The following ANKRD17 variants were observed in gnomAD, a reference collection of about 807,000 sequenced individuals.
The protein encoded by ANKRD17 is ankyrin repeat domain 17.
A neutral mutation model predicts 229.7 loss-of-function variants in ANKRD17; 19 were observed. The ratio of observed to expected loss-of-function variants is 0.08; its 90% CI spans 0.06 to 0.12. ANKRD17 has a LOEUF of 0.12. ANKRD17 is among the 10% of genes least tolerant of loss of function. ANKRD17 has a pLI of 1.00. For missense variants in ANKRD17, 2,176 were observed against 3,176.8 expected, an observed-to-expected ratio of 0.68 and a Z score of 7.57; for synonymous variants, 1,112 against 1,146.1, an observed-to-expected ratio of 0.97 and a Z score of 0.60.
In ANKRD17 at chr4:73,142,398, A is replaced by G. The variant is rs950185097; in HGVS notation, c.2086-13T>C. On this transcript the variant is annotated splice_polypyrimidine_tract_variant and intron_variant, in intron 12 of 33. Coordinates refer to ENST00000358602, the MANE Select transcript of ANKRD17 (RefSeq NM_032217.5). ...TAGTTGAGCCATCCTAAAAGAGTGAATATGGAAGGGGAAAAAAAGTGAAGA... is the reference window on the plus strand; with the variant it reads ...TAGTTGAGCCATCCTAAAAGAGTGAGTATGGAAGGGGAAAAAAAGTGAAGA... 2 of 1,584,800 alleles carry G rather than the reference A, an allele frequency of 1.3e-6. No homozygotes were observed. The highest frequency in any genetic ancestry group is 1.7e-6 in the Non-Finnish European group (2 of 1,173,518).
At chr4:73,099,618 C>A (rs1170712779) in intron 25 of ANKRD17, among the ~76,000 whole-genome samples, 1 of 152,232 alleles carries the variant, frequency 6.6e-6, no homozygotes, top group Non-Finnish European at 1.5e-5. Flanking sequence ...GCATGCCCTA[C>A]TCCACTGCCC....
chr4:73,208,032 C>CA (rs1215484831), intron 1 of ANKRD17, among the ~76,000 whole-genome samples: 1 of 151,686 alleles, frequency 6.6e-6, no homozygotes, highest in Non-Finnish European at 1.5e-5. Context: ...ACTAAAAATA[C>CA]AAAAAAATTC....
chr4:73,112,713 A>G, intron 24 of ANKRD17: 4 of 772,786 alleles, frequency 5.2e-6, no homozygotes, highest in Non-Finnish European at 6.3e-6. Flanking sequence ...ACGCATATGC[A>G]TAATTATCAC....
At position 73,156,016 on chromosome 4, in the gene ANKRD17, A is replaced by C. The variant is rs1430379683; in HGVS notation, c.852+3T>G. ...AAATAAGCTTTATTTTGATAATACGAACCTGTGCAAGCTCATAGTATCCAG... is the reference window on the plus strand; with the variant it reads ...AAATAAGCTTTATTTTGATAATACGCACCTGTGCAAGCTCATAGTATCCAG... On this transcript the variant is annotated splice_donor_region_variant and intron_variant, in intron 4 of 33. Coordinates refer to ENST00000358602, the MANE Select transcript of ANKRD17 (RefSeq NM_032217.5). 1 of 1,575,268 alleles carries C rather than the reference A, an allele frequency of 6.3e-7. No individual in the cohort carries two copies. Among genetic ancestry groups the C allele is most frequent in the African/African-American group, 1.4e-5 (1 of 72,494 alleles).
chr4:73,239,748 C>T lies in ANKRD17; in HGVS notation c.393+18528G>A, dbSNP rs146639676. On this transcript the variant is annotated intron_variant, in intron 1 of 33. Coordinates refer to ENST00000358602, the MANE Select transcript of ANKRD17 (RefSeq NM_032217.5). ...GATTTAATAAAAGTGGAAAAAGATA[C>T]TGCAATTTTAAGATTCCTCCAATAT... is the stretch of plus-strand genomic sequence containing the variant. 7.5e-3 allele frequency among the ~76,000 whole-genome samples: 1,147 copies of T among 152,092 alleles called. 15 individuals carry two copies. Among genetic ancestry groups the T allele is most frequent in the Admixed American group, 0.021 (327 of 15,276 alleles).
intron 1 of ANKRD17, among the ~76,000 whole-genome samples, chr4:73,229,628 C>T (rs557030090): frequency 6.7e-6 from 1 of 150,050 alleles, no homozygotes; most frequent in African/African-American, 2.4e-5. Context: ...AACCCAACCA[C>T]AATGCAGAGT....
intron 20 of ANKRD17, among the ~76,000 whole-genome samples, chr4:73,120,555 A>AAT (rs1553917404): frequency 6.7e-6 from 1 of 149,996 alleles, no homozygotes; most frequent in Non-Finnish European, 1.5e-5. Flanking sequence ...AAAAAAAAAA[A>AAT]GAAAGAAAGA....
intron 1 of ANKRD17, among the ~76,000 whole-genome samples, chr4:73,216,492 ACAGC>A (rs1560741409): frequency 2.0e-5 from 3 of 152,176 alleles, no homozygotes; most frequent in Non-Finnish European, 4.4e-5. Context: ...GGCGGGGGTG[ACAGC>A]ATAAGGATAG....
intron 3 of ANKRD17, 101 bp from the exon 4 acceptor site, chr4:73,156,267 A>ACGG (rs1731646121): frequency 1.4e-5 from 19 of 1,393,158 alleles, no homozygotes; most frequent in Non-Finnish European, 1.5e-5. Flanking sequence ...TTGTTTAGAA[A>ACGG]CGGAGTCTTG....
chr4:73,226,074 C>G (rs548805362), intron 1 of ANKRD17, among the ~76,000 whole-genome samples: 8 of 140,246 alleles, frequency 5.7e-5, no homozygotes, highest in Admixed American at 4.5e-4. Context: ...CTCCCAGGTT[C>G]AAGCAATTCT....
At chr4:73,099,498 G>T (rs1003170340) in intron 25 of ANKRD17, among the ~76,000 whole-genome samples, 1 of 152,206 alleles carries the variant, frequency 6.6e-6, no homozygotes, top group Admixed American at 6.5e-5. Flanking sequence ...ACTGCTCTCT[G>T]GTGATGGGGG....
At chr4:73,100,991 A>T in intron 25 of ANKRD17, 1 of 981,318 alleles carries the variant, frequency 1.0e-6, no homozygotes, top group Non-Finnish European at 1.2e-6. Context: ...AACAAATACG[A>T]ATTTAAAAAA....
chr4:73,248,112 A>C (rs760645533), intron 1 of ANKRD17, among the ~76,000 whole-genome samples: 11 of 151,990 alleles, frequency 7.2e-5, no homozygotes, highest in Non-Finnish European at 1.5e-4. Flanking sequence ...CAAGTATATT[A>C]ATATAGATAC....
intron 11 of ANKRD17, 149 bp downstream of exon 11, chr4:73,144,596 A>T: frequency 2.2e-6 from 1 of 446,800 alleles, no homozygotes. Context: ...CAGGATGTTT[A>T]TCAACTATCC....
intron 1 of ANKRD17, among the ~76,000 whole-genome samples, chr4:73,216,588 T>C (rs1741083865): frequency 6.6e-6 from 1 of 152,236 alleles, no homozygotes; most frequent in Non-Finnish European, 1.5e-5. Context: ...GCAGATTACT[T>C]CATTTATTCC....
chr4:73,079,641 G>A (rs1484861574), intron 30 of ANKRD17, among the ~76,000 whole-genome samples: 2 of 152,066 alleles, frequency 1.3e-5, no homozygotes, highest in Non-Finnish European at 2.9e-5. Flanking sequence ...GAGGATCATT[G>A]CCTAAGTCTG....
intron 2 of ANKRD17, among the ~76,000 whole-genome samples, chr4:73,166,775 G>A (rs1330570081): frequency 1.3e-5 from 2 of 150,022 alleles, no homozygotes; most frequent in Admixed American, 1.3e-4. Flanking sequence ...AAAAAAAGAG[G>A]AACTGTTATG....
At chr4:73,086,319 AG>A (rs1208416417) in intron 29 of ANKRD17, among the ~76,000 whole-genome samples, 1 of 152,192 alleles carries the variant, frequency 6.6e-6, no homozygotes, top group Non-Finnish European at 1.5e-5. Context: ...TGTATTTGTG[AG>A]AGAGAAAAAG....
intron 1 of ANKRD17, among the ~76,000 whole-genome samples, chr4:73,240,642 A>G (rs1743936589): frequency 6.6e-6 from 1 of 151,898 alleles, no homozygotes; most frequent in East Asian, 1.9e-4. Flanking sequence ...ATTAGAATTT[A>G]AAAAAACACA....
Sources: gnomAD v4.1 joint callset for allele counts (sites outside exome capture counted in the v4.1 genomes callset) on GRCh38, gnomAD v4.1.1 for gene constraint, MANE v1.5 for transcripts, NCBI Gene and HGNC (gene_info 2026-07-23, HGNC 2026-07-21) for gene names.